The following SPTBN1 variants were observed in gnomAD, a reference collection of about 807,000 sequenced individuals.
SPTBN1 encodes the protein spectrin beta, non-erythrocytic 1.
A neutral mutation model predicts 266.4 loss-of-function variants in SPTBN1; 32 were observed. The ratio of observed to expected loss-of-function variants is 0.12; its 90% CI spans 0.09 to 0.16. The LOEUF is 0.16. Among genes scored for constraint, SPTBN1 ranks in the 10% least tolerant of loss-of-function variants. SPTBN1 has a pLI of 1.00. For synonymous variants in SPTBN1, 1,336 were observed against 1,162.2 expected (o/e 1.15, Z -3.04); for missense variants, 2,296 against 3,067.1 (o/e 0.75, Z 5.94).
rs905247429 is a variant in SPTBN1, at chr2:54,628,118, T to C, written c.1666T>C (p.Tyr556His). The stretch of plus-strand genomic sequence containing the variant: ...ACAGGTGCTAGTATTGTCTCAAGAC[T>C]ATGGCAAACACTTACTTGGTGTGGA... Reference protein sequence around the residue: ...EMKVLVLSQDYGKHLLGVEDL... With the variant: ...EMKVLVLSQDHGKHLLGVEDL... The change falls in exon 13 of 36, where the codon TAT becomes CAT. Residue 556 changes from tyrosine (Y) to histidine (H), a missense_variant. Around this residue, in one of 12 missense-constraint regions of SPTBN1, gnomAD observed 434 missense variants for 573.9 expected, o/e 0.76. Transcript: ENST00000356805. This position sits in a 1 kb window ranked among gnomAD's most constrained non-coding sequence, Gnocchi z 4.3. 4 of 1,613,548 alleles carry C rather than the reference T, an allele frequency of 2.5e-6. No homozygotes were observed. The highest frequency in any genetic ancestry group is 3.4e-6 in the Non-Finnish European group (4 of 1,179,686).
chr2:54,668,335 C>T lies in SPTBN1; in HGVS notation c.6877-16C>T. 2 of 1,612,750 alleles carry T rather than the reference C, an allele frequency of 1.2e-6. No homozygotes were observed. Among genetic ancestry groups the T allele is most frequent in the Non-Finnish European group, 1.7e-6 (2 of 1,178,728 alleles). On this transcript the variant is annotated splice_polypyrimidine_tract_variant and intron_variant, in intron 35 of 35. Coordinates refer to ENST00000356805, the MANE Select transcript of SPTBN1 (RefSeq NM_003128.3). Reference sequence around the variant, plus strand: ...ACTCTTAGTTGAGTCTCACCTGTGTCCCTTCCTCTGTCCAGGAGGAAATGA... The same window carrying T: ...ACTCTTAGTTGAGTCTCACCTGTGTTCCTTCCTCTGTCCAGGAGGAAATGA...
intron 27 of SPTBN1, among the ~76,000 whole-genome samples, chr2:54,654,254 G>C (rs1680500831): frequency 6.6e-6 from 1 of 152,106 alleles, no homozygotes; most frequent in Admixed American, 6.5e-5. Context: ...CCTGCTTTTT[G>C]GATTAAAGAC....
intron 7 of SPTBN1, among the ~76,000 whole-genome samples, chr2:54,620,461 G>A (rs990619508): frequency 2.8e-4 from 15 of 53,682 alleles, no homozygotes; most frequent in African/African-American, 2.5e-3. Context: ...AATTATGTGT[G>A]TATAGGGAAT....
chr2:54,653,417 T>C lies in SPTBN1; in HGVS notation c.5578-192T>C, dbSNP rs1680434429. On this transcript the variant is annotated intron_variant, in intron 26 of 35. Transcript: ENST00000356805. The surrounding 1 kb of genome is among the most constrained non-coding windows in gnomAD (Gnocchi z 5.1). The stretch of plus-strand genomic sequence containing the variant: ...TTCATAAAGAACTTAATAATGTAGT[T>C]GAACAGATTTATAGAAAACGGGTTT... The C allele has an allele frequency of 2.7e-6, 2 of 754,490 alleles. No homozygotes were observed. The highest frequency in any genetic ancestry group is 4.1e-6 in the Non-Finnish European group (2 of 490,864). The allele number at this position is 754,490 out of a possible 1,614,324, so 46.7% of individuals were successfully genotyped here.
intron 1 of SPTBN1, among the ~76,000 whole-genome samples, chr2:54,485,174 G>C (rs1017202870): frequency 6.6e-5 from 10 of 150,378 alleles, no homozygotes; most frequent in African/African-American, 2.4e-4. Flanking sequence ...CTCTCCCTCC[G>C]TCTCCCTCTC....
At chr2:54,578,909 G>GA (rs1225269392) in intron 2 of SPTBN1, among the ~76,000 whole-genome samples, 1 of 151,990 alleles carries the variant, frequency 6.6e-6, no homozygotes, top group African/African-American at 2.4e-5. Flanking sequence ...TCTCTGTCCA[G>GA]GAGAAATCTG....
intron 1 of SPTBN1, among the ~76,000 whole-genome samples, chr2:54,520,110 T>C (rs1189373583): frequency 6.6e-6 from 1 of 152,192 alleles, no homozygotes; most frequent in African/African-American, 2.4e-5. Flanking sequence ...AGGAAGATTT[T>C]GTAGAGTAAC....
chr2:54,640,963 T>C (rs1432574198), intron 18 of SPTBN1, among the ~76,000 whole-genome samples: 1 of 152,256 alleles, frequency 6.6e-6, no homozygotes, highest in Non-Finnish European at 1.5e-5. Flanking sequence ...AACTGATTTT[T>C]ATTTTTCCAG....
chr2:54,607,202 A>G (rs1558421906), intron 3 of SPTBN1, among the ~76,000 whole-genome samples: 1 of 152,250 alleles, frequency 6.6e-6, no homozygotes, highest in Non-Finnish European at 1.5e-5. Context: ...GAAAATATTC[A>G]AGGGGAAGAA....
At chr2:54,507,523 A>G (rs1331690673) in intron 1 of SPTBN1, among the ~76,000 whole-genome samples, 2 of 152,120 alleles carry the variant, frequency 1.3e-5, no homozygotes, top group Non-Finnish European at 2.9e-5. Context: ...TGTCGTATAG[A>G]ATGATTGGTG....
intron 18 of SPTBN1, among the ~76,000 whole-genome samples, chr2:54,638,750 C>G (rs1679328199): frequency 6.6e-6 from 1 of 152,110 alleles, no homozygotes; most frequent in African/African-American, 2.4e-5. Flanking sequence ...TGAGGAATAT[C>G]CACAAAAAGC....
At chr2:54,579,820 G>A (rs1313508346) in intron 2 of SPTBN1, among the ~76,000 whole-genome samples, 1 of 152,170 alleles carries the variant, frequency 6.6e-6, no homozygotes, top group Non-Finnish European at 1.5e-5. Context: ...AGTATAGTGA[G>A]AGAGAGAGAT....
chr2:54,646,597 G>T lies in SPTBN1; in HGVS notation c.4866+122G>T. On this transcript the variant is annotated intron_variant, in intron 23 of 35. Transcript: ENST00000356805. This position sits in a 1 kb window ranked among gnomAD's most constrained non-coding sequence, Gnocchi z 4.4. ...CCTTGTAGCCTTTGAGTGTTAAGGG[G>T]ACACCATGTGCATGAAGGTGTCTGA... The T allele has an allele frequency of 8.7e-7, 1 of 1,153,072 alleles. No homozygotes were observed. Among genetic ancestry groups the T allele is most frequent in the Non-Finnish European group, 1.2e-6 (1 of 865,828 alleles). The allele number at this position is 1,153,072 out of a possible 1,614,324, so 71.4% of individuals were successfully genotyped here.
In SPTBN1 at chr2:54,628,273, A is replaced by T. The variant is rs1236172504; in HGVS notation, c.1798+23A>T. The T allele has an allele frequency of 5.6e-6, 9 of 1,599,308 alleles. No homozygotes were observed. The highest frequency in any genetic ancestry group is 1.7e-5 in the Admixed American group (1 of 57,952). On this transcript the variant is annotated intron_variant, in intron 13 of 35. Coordinates refer to ENST00000356805, the MANE Select transcript of SPTBN1 (RefSeq NM_003128.3). The surrounding 1 kb of genome is among the most constrained non-coding windows in gnomAD (Gnocchi z 4.3). ...AAGGTAAGGATGGCCCATTCCAAGC[A>T]TTACCTCCGGGTCACCAGAGATTCA...
intron 32 of SPTBN1, chr2:54,662,232 A>T: frequency 1.0e-6 from 1 of 985,362 alleles, no homozygotes; most frequent in Non-Finnish European, 1.2e-6. Flanking sequence ...ATTGCTTTTG[A>T]TGTGTGTCTC....
chr2:54,593,283 A>G (rs1675809474), intron 2 of SPTBN1, among the ~76,000 whole-genome samples: 1 of 151,944 alleles, frequency 6.6e-6, no homozygotes, highest in South Asian at 2.1e-4. Flanking sequence ...TTTTGGTAGA[A>G]TTTGTGGTCC....
chr2:54,471,229 A>G (rs1693902674), intron 1 of SPTBN1, among the ~76,000 whole-genome samples: 1 of 152,174 alleles, frequency 6.6e-6, no homozygotes, highest in East Asian at 1.9e-4. Flanking sequence ...ACGAAAACAA[A>G]CAAAAAGAAC....
chr2:54,608,159 G>T (rs1456266082), intron 3 of SPTBN1, among the ~76,000 whole-genome samples: 2 of 152,198 alleles, frequency 1.3e-5, no homozygotes, highest in African/African-American at 4.8e-5. Flanking sequence ...AGTTCACTGT[G>T]CACATAACTC....
intron 32 of SPTBN1, chr2:54,662,534 A>G (rs911167485): frequency 1.2e-5 from 2 of 161,852 alleles, no homozygotes; most frequent in African/African-American, 2.4e-5. Context: ...CATTGCTGTC[A>G]CTAGCAGCTT....
Sources: gnomAD v4.1 joint callset for allele counts (sites outside exome capture counted in the v4.1 genomes callset) on GRCh38, gnomAD v4.1.1 for gene constraint, gnomAD v4.1.1 regional missense constraint, Gnocchi (gnomAD v3.1) non-coding constraint, MANE v1.5 for transcripts, NCBI Gene and HGNC (gene_info 2026-07-23, HGNC 2026-07-21) for gene names.